Variants in S100Z observed in about 807,000 individuals in gnomAD.
S100Z encodes the protein S100 calcium binding protein Z, also known as protein S100-Z.
S100Z carries 11 observed loss-of-function variants against 8.5 expected under a neutral mutation model. The ratio of observed to expected loss-of-function variants is 1.30; its 90% CI spans 0.82 to 2.15. S100Z has a LOEUF of 2.15. Ranked by LOEUF, S100Z falls within the 30% of genes most tolerant of loss-of-function variation. The probability of loss-of-function intolerance (pLI) is 0.00; values close to 1 mark genes in which losing one functional copy is unlikely to be tolerated. For missense variants in S100Z, 126 were observed against 117.9 expected (o/e 1.07, Z -0.32); for synonymous variants, 34 against 43.8 (o/e 0.78, Z 0.89).
rs1236334023 is a variant in S100Z at position 76,919,152 on chromosome 5, T to A, written c.*3-1565T>A. On this transcript the variant is annotated intron_variant, in intron 4 of 4. Coordinates refer to ENST00000317593, the MANE Select transcript of S100Z (RefSeq NM_130772.4). ...TTATGAATAAAGTTGCTATAAACAG[T>A]CATGTGCAGGTTTTATGTGGATATA... 2.0e-5 allele frequency among the ~76,000 whole-genome samples: 3 copies of A among 152,186 alleles called. No individual in the cohort carries two copies. In the East Asian group the frequency reaches 5.8e-4, roughly 29 times the overall value.
chr5:76,931,333 G>A, the S100Z span, among the ~76,000 whole-genome samples: 6 of 152,060 alleles, frequency 3.9e-5, no homozygotes, highest in South Asian at 1.0e-3. Context: ...GGCTTGTCTT[G>A]AACTCCTGAG....
chr5:76,909,094 T>C (rs1212181346), intron 4 of S100Z, among the ~76,000 whole-genome samples: 5 of 152,154 alleles, frequency 3.3e-5, no homozygotes. Context: ...TGTGGGTTCT[T>C]GGACAAGAGG....
intron 4 of S100Z, among the ~76,000 whole-genome samples, chr5:76,878,929 C>T (rs146593143): frequency 4.4e-4 from 67 of 152,268 alleles, no homozygotes; most frequent in Non-Finnish European, 8.4e-4. Context: ...ACAAAACAAC[C>T]GTTGCTGTTT....
At position 76,886,922 on chromosome 5, in the gene S100Z, A is replaced by C. The variant is rs1561237103; in HGVS notation, c.*2+9088A>C. On this transcript the variant is annotated intron_variant, in intron 4 of 4. Coordinates refer to ENST00000317593, the MANE Select transcript of S100Z (RefSeq NM_130772.4). ...AATGTCATCAGTTAAGGCTATTTTC[A>C]CTTCTTTTGTGGATCTTCAGTTGCT... 2.6e-5 allele frequency among the ~76,000 whole-genome samples: 4 copies of C among 152,036 alleles called. 1 individual carries two copies. In the East Asian group the frequency reaches 5.8e-4, roughly 22 times the overall value.
chr5:76,924,015 A>C (rs147655838), downstream of S100Z, among the ~76,000 whole-genome samples: 279 of 152,294 alleles, frequency 1.8e-3, no homozygotes, highest in African/African-American at 6.3e-3. Flanking sequence ...TCCACCAAAG[A>C]GAAACACAAT....
intron 4 of S100Z, among the ~76,000 whole-genome samples, chr5:76,887,208 TG>T (rs1743676896): frequency 6.6e-6 from 1 of 151,516 alleles, no homozygotes; most frequent in Non-Finnish European, 1.5e-5. Flanking sequence ...GCGATTTTCG[TG>T]CCTGAGCCTC....
intron 2 of S100Z, among the ~76,000 whole-genome samples, chr5:76,873,527 C>T (rs1439640525): frequency 6.6e-6 from 1 of 152,106 alleles, no homozygotes; most frequent in African/African-American, 2.4e-5. Context: ...AGGGTGGTCT[C>T]GAACTCCTGA....
intron 4 of S100Z, among the ~76,000 whole-genome samples, chr5:76,919,196 G>T (rs776433704): frequency 6.6e-6 from 1 of 152,094 alleles, no homozygotes; most frequent in Non-Finnish European, 1.5e-5. Flanking sequence ...ACTCATTTAG[G>T]TAAATATCAA....
chr5:76,896,984 C>T (rs1277813897), intron 4 of S100Z, among the ~76,000 whole-genome samples: 1 of 151,934 alleles, frequency 6.6e-6, no homozygotes, highest in Non-Finnish European at 1.5e-5. Context: ...GGATTTGTTT[C>T]CGGGTTCTCT....
At chr5:76,922,866 C>T (rs1409373554), downstream of S100Z, among the ~76,000 whole-genome samples, 1 of 152,150 alleles carries the variant, frequency 6.6e-6, no homozygotes, top group East Asian at 1.9e-4. Flanking sequence ...TTAGAATTCA[C>T]ATTTTGTATG....
At chr5:76,875,874 T>G (rs1743174976) in intron 3 of S100Z, among the ~76,000 whole-genome samples, 1 of 152,100 alleles carries the variant, frequency 6.6e-6, no homozygotes, top group Non-Finnish European at 1.5e-5. Flanking sequence ...GGGCCAGAGG[T>G]GAAGGGGTAC....
downstream of S100Z, among the ~76,000 whole-genome samples, chr5:76,922,368 G>A (rs1410052506): frequency 6.6e-6 from 1 of 152,186 alleles, no homozygotes; most frequent in African/African-American, 2.4e-5. Flanking sequence ...CTATTCTTCT[G>A]AAGGAAGCTT....
At chr5:76,898,079 T>G (rs1744102173) in intron 4 of S100Z, among the ~76,000 whole-genome samples, 1 of 152,206 alleles carries the variant, frequency 6.6e-6, no homozygotes, top group South Asian at 2.1e-4. Context: ...GACGAGAGAC[T>G]TTCAGTTTTT....
chr5:76,875,829 T>C lies in S100Z; in HGVS notation c.141+329T>C, dbSNP rs1297783447. On this transcript the variant is annotated intron_variant, in intron 3 of 4. Transcript: ENST00000317593. ...ATAACTAGTTACAGCTAGTTATACC[T>C]GGAGCTTGGTCCAGCTGTCTGTAAA... Among the ~76,000 whole-genome samples, 3 of 152,196 alleles carry C rather than the reference T, an allele frequency of 2.0e-5. No homozygotes were observed. The East Asian group carries it at 5.8e-4, about 29-fold the overall frequency.
chr5:76,929,154 G>A, the S100Z span, among the ~76,000 whole-genome samples: 2 of 152,292 alleles, frequency 1.3e-5, no homozygotes, highest in Non-Finnish European at 2.9e-5. Context: ...ACAGCTCCTC[G>A]CTGGACAATG....
intron 4 of S100Z, among the ~76,000 whole-genome samples, chr5:76,884,322 A>C (rs1043237576): frequency 6.6e-6 from 1 of 152,136 alleles, no homozygotes; most frequent in African/African-American, 2.4e-5. Flanking sequence ...TCGCCTAGCT[A>C]TACCTGGGGA....
chr5:76,865,977 T>G (rs2150629746), intron 1 of S100Z, among the ~76,000 whole-genome samples: 1 of 149,808 alleles, frequency 6.7e-6, no homozygotes, highest in Admixed American at 6.7e-5. Flanking sequence ...ATCACACCAC[T>G]GCACTCCAGC....
rs1430445332 is a variant in S100Z at position 76,921,592 on chromosome 5, CTT to C, written c.*881_*882del. On this transcript the variant is annotated 3_prime_UTR_variant, in exon 5 of 5. Transcript: ENST00000317593. ...CTGGATATTCAAAAACCACGATGTCCTTTTACTTGAAGATTTTAAAAGGAAAT... is the reference window on the plus strand; with the variant it reads ...CTGGATATTCAAAAACCACGATGTCCTTACTTGAAGATTTTAAAAGGAAAT... 6.6e-6 allele frequency: 1 copy of C among 152,168 alleles called. No homozygotes were observed. The highest frequency in any genetic ancestry group is 1.5e-5 in the Non-Finnish European group (1 of 68,042). The allele number at this position is 152,168 out of a possible 1,614,324, so 9.4% of individuals were successfully genotyped here. A position where few individuals can be genotyped will look rare whatever the true frequency, so the allele number is the denominator to read the frequency against.
At chr5:76,867,988 A>G (rs6869909) in intron 1 of S100Z, among the ~76,000 whole-genome samples, 101,773 of 152,124 alleles carry the variant, frequency 0.67, 34,912 homozygotes, top group African/African-American at 0.83. Context: ...CCAAAATTGC[A>G]AAGTGCAATG....
Sources: gnomAD v4.1 joint callset for allele counts (sites outside exome capture counted in the v4.1 genomes callset) on GRCh38, gnomAD v4.1.1 for gene constraint, MANE v1.5 for transcripts, NCBI Gene and HGNC (gene_info 2026-07-23, HGNC 2026-07-21) for gene names.